The following ARMC3 variants were observed in gnomAD, a reference collection of about 807,000 sequenced individuals.
ARMC3 encodes the protein armadillo repeat-containing protein 3.
In ARMC3, 74 loss-of-function variants were observed where a neutral mutation model predicts 90.3. That is an observed-to-expected ratio of 0.82 (90% CI 0.68 to 0.99). The LOEUF (loss-of-function observed/expected upper bound fraction) is 0.99, where lower values mean the gene tolerates loss of function less well. Among genes scored for constraint, ARMC3 ranks in the 50% least tolerant of loss-of-function variants. The pLI is 0.00. For synonymous variants in ARMC3, 334 were observed against 361.8 expected (o/e 0.92, Z 0.87); for missense variants, 958 against 1,042.8 (o/e 0.92, Z 1.12).
intron 10 of ARMC3, among the ~76,000 whole-genome samples, chr10:22,995,910 C>T (rs1435961728): frequency 1.3e-5 from 2 of 152,042 alleles, no homozygotes; most frequent in Non-Finnish European, 2.9e-5. Context: ...ATTGAAGTAC[C>T]CTGCGATTGT....
rs2131572613 is a variant in ARMC3 at position 23,032,894 on chromosome 10, A to T, written c.2280A>T (p.Pro760=). The T allele has an allele frequency of 6.2e-7, 1 of 1,612,734 alleles. No homozygotes were observed. The highest frequency in any genetic ancestry group is 2.2e-5 in the East Asian group (1 of 44,698). Residue 760 remains proline (P), a synonymous_variant, in exon 18 of 19, where the codon CCA becomes CCT. Transcript: ENST00000298032. Reference sequence around the variant, plus strand: ...CAGAAAAAATGGGTGGTAAGATTCCAAAAGAGAAACTACCTGATTTCAGCT... The same window carrying T: ...CAGAAAAAATGGGTGGTAAGATTCCTAAAGAGAAACTACCTGATTTCAGCT... ...YVAEKMGGKI[P]KEKLPDFSWE... is the part of the protein sequence containing the mutation.
At chr10:22,993,257 A>G (rs1439112423) in intron 10 of ARMC3, among the ~76,000 whole-genome samples, 7 of 152,252 alleles carry the variant, frequency 4.6e-5, no homozygotes, top group African/African-American at 1.7e-4. Context: ...GCACACTAAA[A>G]TAAACAGAGT....
In ARMC3 at chr10:22,998,187, C is replaced by A. The variant is rs1837087314; in HGVS notation, c.1215C>A (p.Asn405Lys). The A allele has an allele frequency of 1.2e-6, 2 of 1,613,912 alleles. No individual in the cohort carries two copies. The highest frequency in any genetic ancestry group is 8.5e-7 in the Non-Finnish European group (1 of 1,179,890). The change falls in exon 11 of 19, where the codon AAC becomes AAA. Residue 405 changes from asparagine to lysine, a missense_variant. Transcript: ENST00000298032. Reference sequence around the variant, plus strand: ...CTGATGGTATTGATCCATTAATAAACCTCCTGTCTAGTAAACGAGATGGAG... The same window carrying A: ...CTGATGGTATTGATCCATTAATAAAACTCCTGTCTAGTAAACGAGATGGAG... ...AEADGIDPLINLLSSKRDGAI... is the reference protein window; with the variant it reads ...AEADGIDPLIKLLSSKRDGAI...
intron 16 of ARMC3, among the ~76,000 whole-genome samples, chr10:23,027,835 G>GT (rs1564405085): frequency 6.7e-6 from 1 of 148,524 alleles, no homozygotes; most frequent in Non-Finnish European, 1.5e-5. Flanking sequence ...TCTGTCAACT[G>GT]TTTTTTTCAA....
At chr10:23,028,748 C>G (rs988793908) in intron 16 of ARMC3, among the ~76,000 whole-genome samples, 1 of 152,146 alleles carries the variant, frequency 6.6e-6, no homozygotes, top group Admixed American at 6.5e-5. Context: ...CACTTTGGGA[C>G]TTGGATAGCA....
At chr10:22,932,588 C>A (rs1833974448) in intron 2 of ARMC3, among the ~76,000 whole-genome samples, 3 of 152,208 alleles carry the variant, frequency 2.0e-5, no homozygotes, top group Admixed American at 2.0e-4. Flanking sequence ...AGGATTTTAT[C>A]TTCTCTCTTT....
Position 22,929,380 on chromosome 10 carries a change from T to C in ARMC3, c.-2+1274T>C, listed in dbSNP as rs142805449. Among the ~76,000 whole-genome samples, 348 of 152,216 alleles carry C rather than the reference T, an allele frequency of 2.3e-3. 1 individual carries two copies. The highest frequency in any genetic ancestry group is 8.0e-3 in the African/African-American group (333 of 41,524). On this transcript the variant is annotated intron_variant, in intron 1 of 18. Coordinates refer to ENST00000298032, the MANE Select transcript of ARMC3 (RefSeq NM_173081.5). The stretch of plus-strand genomic sequence containing the variant: ...TAGTATTGATCTCTCTGAGCTTATC[T>C]TTGGGTGATTTTTATTTTATTCGTT...
chr10:22,985,360 C>A (rs932427099), intron 10 of ARMC3, among the ~76,000 whole-genome samples: 1 of 152,110 alleles, frequency 6.6e-6, no homozygotes, highest in Admixed American at 6.5e-5. Context: ...TTCAGGGGGG[C>A]AGCTCCTTTG....
chr10:22,950,350 G>T (rs1262657026), intron 3 of ARMC3, among the ~76,000 whole-genome samples: 1 of 151,816 alleles, frequency 6.6e-6, no homozygotes, highest in Non-Finnish European at 1.5e-5. Context: ...ACATAGAAAG[G>T]GAAAAAATGG....
chr10:23,000,403 T>C (rs1461645431), intron 11 of ARMC3, among the ~76,000 whole-genome samples: 1 of 152,180 alleles, frequency 6.6e-6, no homozygotes, highest in Non-Finnish European at 1.5e-5. Context: ...CATCTTTCTC[T>C]ATGCTCCCAT....
At chr10:23,030,548 T>C (rs368361972) in intron 16 of ARMC3, 48 bp from the exon 17 acceptor site, 116 of 1,563,896 alleles carry the variant, frequency 7.4e-5, no homozygotes, top group Non-Finnish European at 9.4e-5. Context: ...AATTGTTTGT[T>C]TGTTTAGCAG....
intron 3 of ARMC3, among the ~76,000 whole-genome samples, chr10:22,948,648 C>T (rs1834627706): frequency 6.6e-6 from 1 of 151,992 alleles, no homozygotes; most frequent in African/African-American, 2.4e-5. Flanking sequence ...AGGGCAGTGA[C>T]CACTGAGAGA....
At chr10:22,975,997 C>G (rs1206207622) in intron 8 of ARMC3, among the ~76,000 whole-genome samples, 1 of 152,204 alleles carries the variant, frequency 6.6e-6, no homozygotes, top group African/African-American at 2.4e-5. Flanking sequence ...GTGCCCTTTG[C>G]CTGTTTTCCC....
intron 8 of ARMC3, among the ~76,000 whole-genome samples, chr10:22,976,893 C>T (rs1388774798): frequency 6.6e-6 from 1 of 152,182 alleles, no homozygotes; most frequent in African/African-American, 2.4e-5. Context: ...GCCTGAAGCC[C>T]ACCTGTCTTC....
At chr10:22,980,852 C>T (rs1205696945) in intron 8 of ARMC3, among the ~76,000 whole-genome samples, 1 of 152,172 alleles carries the variant, frequency 6.6e-6, no homozygotes, top group Non-Finnish European at 1.5e-5. Context: ...CAGGATCATA[C>T]TTTACAACTC....
chr10:23,034,050 T>C (rs539145703), intron 18 of ARMC3, among the ~76,000 whole-genome samples: 1 of 152,336 alleles, frequency 6.6e-6, no homozygotes, highest in East Asian at 1.9e-4. Context: ...ATAAACATCA[T>C]TGCATTCACA....
At chr10:23,029,527 A>C (rs182248295) in intron 16 of ARMC3, among the ~76,000 whole-genome samples, 1 of 152,192 alleles carries the variant, frequency 6.6e-6, no homozygotes, top group Non-Finnish European at 1.5e-5. Flanking sequence ...TAAGATGTTC[A>C]TACTGGTTCA....
intron 10 of ARMC3, among the ~76,000 whole-genome samples, chr10:22,987,457 CTA>C (rs1185646601): frequency 1.3e-5 from 2 of 152,044 alleles, no homozygotes; most frequent in Admixed American, 6.5e-5. Flanking sequence ...CACTGGTAAA[CTA>C]TGAAAAGATT....
chr10:22,938,941 C>A (rs561712646), intron 2 of ARMC3, among the ~76,000 whole-genome samples: 1 of 152,242 alleles, frequency 6.6e-6, no homozygotes, highest in South Asian at 2.1e-4. Flanking sequence ...GTATTATTTT[C>A]TTTAGAAATG....
Sources: gnomAD v4.1 joint callset for allele counts (sites outside exome capture counted in the v4.1 genomes callset) on GRCh38, gnomAD v4.1.1 for gene constraint, MANE v1.5 for transcripts, NCBI Gene and HGNC (gene_info 2026-07-23, HGNC 2026-07-21) for gene names.